The following GBP2 variants were observed in gnomAD, a reference collection of about 807,000 sequenced individuals.
GBP2 encodes the protein guanylate binding protein 2, also known as guanylate-binding protein 2.
GBP2 carries 54 observed loss-of-function variants against 60.8 expected under a neutral mutation model. The observed-to-expected ratio is 0.89, with a 90% CI of 0.71 to 1.11. The LOEUF is 1.11. Ranked by LOEUF, GBP2 falls within the 50% of genes most tolerant of loss-of-function variation. GBP2 has a pLI of 0.00. For synonymous variants in GBP2, 243 were observed against 256.5 expected (o/e 0.95, Z 0.50); for missense variants, 665 against 703.3 (o/e 0.95, Z 0.62).
chr1:89,109,863 A>G lies in GBP2; in HGVS notation c.1473T>C (p.Arg491=), dbSNP rs1161402155. Residue 491 remains arginine (R), a synonymous_variant, in exon 10 of 11, where the codon CGT becomes CGC. Coordinates refer to ENST00000370466, the MANE Select transcript of GBP2 (RefSeq NM_004120.5). ...SEKEKAIEVE[R]IKAESAEAAK... is the part of the protein sequence containing the mutation. ...CAGCTTCTGCAGATTCAGCCTTTAT[A>G]CGTTCCACTGTGGAAGAAAAATAAG... The G allele has an allele frequency of 6.2e-7, 1 of 1,612,286 alleles. No homozygotes were observed. Among genetic ancestry groups the G allele is most frequent in the Non-Finnish European group, 8.5e-7 (1 of 1,179,510 alleles).
rs750741832 is a variant in GBP2 at position 89,109,939 on chromosome 1, C to T, written c.1466-69G>A. On this transcript the variant is annotated intron_variant, in intron 9 of 10. Coordinates refer to ENST00000370466, the MANE Select transcript of GBP2 (RefSeq NM_004120.5). Reference sequence around the variant, plus strand: ...GTAGGTGTTCCCTTTTCCTTTCCCTCGTTTTTGTTTGTCTTATCCTTACAT... The same window carrying T: ...GTAGGTGTTCCCTTTTCCTTTCCCTTGTTTTTGTTTGTCTTATCCTTACAT... 2.0e-5 allele frequency: 28 copies of T among 1,421,398 alleles called. No individual in the cohort carries two copies. In the East Asian group the frequency reaches 3.8e-4, roughly 19 times the overall value. The allele number at this position is 1,421,398 out of a possible 1,614,324, so 88.0% of individuals were successfully genotyped here.
intron 4 of GBP2, chr1:89,118,147 A>G (rs1258053229): frequency 6.1e-6 from 1 of 163,262 alleles, no homozygotes; most frequent in Non-Finnish European, 1.3e-5. Context: ...ACCAATAGAC[A>G]TTCATCTAAT....
intron 3 of GBP2, 75 bp from the exon 4 acceptor site, chr1:89,120,363 A>AGTTGGAGTTCAGTCAGTCTT: frequency 2.6e-6 from 3 of 1,172,434 alleles, no homozygotes; most frequent in Non-Finnish European, 3.8e-6. Flanking sequence ...CTGAAGACTG[A>AGTTGGAGTTCAGTCAGTCTT]CTGAACTCCA....
rs1187798166 is a variant in GBP2 at position 89,119,029 on chromosome 1, C to A, written c.428+1150G>T. On this transcript the variant is annotated intron_variant, in intron 4 of 10. Transcript: ENST00000370466. ...GATGGTGATAAACATATTGGTGCTACTGAAAGCCTTGAAGCTGGATGTGAT... is the reference window on the plus strand; with the variant it reads ...GATGGTGATAAACATATTGGTGCTAATGAAAGCCTTGAAGCTGGATGTGAT... 4.6e-5 allele frequency: 7 copies of A among 152,146 alleles called. No individual in the cohort carries two copies. In the East Asian group the frequency reaches 1.2e-3, roughly 25 times the overall value. 9.4% of individuals were successfully genotyped at this position (152,146 alleles called of 1,614,324 possible).
intron 4 of GBP2, chr1:89,118,513 T>C (rs1274254098): frequency 6.6e-6 from 1 of 152,148 alleles, no homozygotes; most frequent in East Asian, 1.9e-4. Context: ...TGGGAAGTCA[T>C]TGGTGGGTAT....
intron 6 of GBP2, among the ~76,000 whole-genome samples, chr1:89,116,615 A>G (rs1570320168): frequency 6.6e-6 from 1 of 152,304 alleles, no homozygotes; most frequent in Non-Finnish European, 1.5e-5. Flanking sequence ...GAATTGCTGA[A>G]CAAGAGAATT....
At chr1:89,117,907 T>A in intron 4 of GBP2, 134 bp from the exon 5 acceptor site, 1 of 733,180 alleles carries the variant, frequency 1.4e-6, no homozygotes, top group Non-Finnish European at 2.2e-6. Context: ...TTTACAGAAT[T>A]CATTCACTCA....
Position 89,117,784 on chromosome 1 carries a change from A to T in GBP2, c.429-11T>A, listed in dbSNP as rs1430250419. 3 of 1,581,912 alleles carry T rather than the reference A, an allele frequency of 1.9e-6. No individual in the cohort carries two copies. Among genetic ancestry groups the T allele is most frequent in the African/African-American group, 1.4e-5 (1 of 72,942 alleles). On this transcript the variant is annotated splice_polypyrimidine_tract_variant and intron_variant, in intron 4 of 10. Coordinates refer to ENST00000370466, the MANE Select transcript of GBP2 (RefSeq NM_004120.5). ...AGCTCTGTCACATAGCTGAGATGCTAAATTAAGAAAACTACAGAAAATGCC... is the reference window on the plus strand; with the variant it reads ...AGCTCTGTCACATAGCTGAGATGCTTAATTAAGAAAACTACAGAAAATGCC...
Position 89,112,593 on chromosome 1 carries a change from C to T in GBP2, c.1241G>A (p.Gly414Asp), listed in dbSNP as rs754371385. Reference protein sequence around the residue: ...CCMALLQDIFGPLEEDVKQGT... With the variant: ...CCMALLQDIFDPLEEDVKQGT... Reference sequence around the variant, plus strand: ...CTGCTTGACATCTTCTTCTAAAGGGCCAAATATATCCTGAAGTAAAGCCAT... The same window carrying T: ...CTGCTTGACATCTTCTTCTAAAGGGTCAAATATATCCTGAAGTAAAGCCAT... The change falls in exon 8 of 11, where the codon GGC becomes GAC. Residue 414 changes from glycine (G) to aspartate (D), a missense_variant. By Grantham distance (94) the Gly-to-Asp change is moderately conservative. Coordinates refer to ENST00000370466, the MANE Select transcript of GBP2 (RefSeq NM_004120.5). The T allele has an allele frequency of 6.2e-7, 1 of 1,614,076 alleles. No individual in the cohort carries two copies. Among genetic ancestry groups the T allele is most frequent in the South Asian group, 1.1e-5 (1 of 91,078 alleles).
At chr1:89,110,022 A>G in intron 9 of GBP2, 142 bp downstream of exon 9, 1 of 914,130 alleles carries the variant, frequency 1.1e-6, no homozygotes, top group Non-Finnish European at 1.6e-6. Flanking sequence ...ATGATCATAC[A>G]GATTAGTTAA....
At chr1:89,118,121 T>G (rs923061288) in intron 4 of GBP2, 3 of 167,336 alleles carry the variant, frequency 1.8e-5, no homozygotes, top group African/African-American at 7.2e-5. Context: ...TCCTAATGTA[T>G]TTTTAGAAAC....
At chr1:89,120,372 C>A in intron 3 of GBP2, 84 bp from the exon 4 acceptor site, 1 of 1,094,472 alleles carries the variant, frequency 9.1e-7, no homozygotes, top group Non-Finnish European at 1.4e-6. Flanking sequence ...GACTGAACTC[C>A]AACTCTGTCT....
At chr1:89,113,895 A>T in intron 7 of GBP2, 121 bp downstream of exon 7, 2 of 1,204,036 alleles carry the variant, frequency 1.7e-6, no homozygotes, top group Non-Finnish European at 2.4e-6. Context: ...CTAGTCTTTT[A>T]ATGATTATTT....
intron 4 of GBP2, 92 bp from the exon 5 acceptor site, chr1:89,117,865 T>C (rs1681312248): frequency 3.2e-6 from 3 of 933,424 alleles, no homozygotes; most frequent in Admixed American, 5.8e-5. Flanking sequence ...GGTTTCTTTT[T>C]ATTAGCTCAT....
rs761023283 is a variant in GBP2 at position 89,112,683 on chromosome 1, G to C, written c.1151C>G (p.Ala384Gly). The C allele has an allele frequency of 1.2e-6, 2 of 1,613,210 alleles. No individual in the cohort carries two copies. Among genetic ancestry groups the C allele is most frequent in the African/African-American group, 1.3e-5 (1 of 74,898 alleles). ...VDQMFQRKLGAQLEARRDDFC... is the reference protein window; with the variant it reads ...VDQMFQRKLGGQLEARRDDFC... ...GTCATCTCGCCTTGCTTCCAACTGGGCCTGTGAAGTGACAAAACAGCACAG... is the reference window on the plus strand; with the variant it reads ...GTCATCTCGCCTTGCTTCCAACTGGCCCTGTGAAGTGACAAAACAGCACAG... Residue 384 changes from alanine to glycine, a missense_variant and splice_region_variant, in exon 8 of 11, where the codon GCC becomes GGC. Physicochemically the swap from Ala to Gly is moderately conservative, Grantham distance 60. Coordinates refer to ENST00000370466, the MANE Select transcript of GBP2 (RefSeq NM_004120.5).
At position 89,121,142 on chromosome 1, in the gene GBP2, C is replaced by A; in HGVS notation, c.318+1G>T. On this transcript the variant is annotated splice_donor_variant, in intron 3 of 10. Transcript: ENST00000370466. LOFTEE classifies it high-confidence loss of function. Reference sequence around the variant, plus strand: ...ATTTTTAAAATACTTATTTTTTTTACCTTCTCTATATCTCCCAGGCCCTCA... The same window carrying A: ...ATTTTTAAAATACTTATTTTTTTTAACTTCTCTATATCTCCCAGGCCCTCA... The A allele has an allele frequency of 6.2e-7, 1 of 1,607,422 alleles. No homozygotes were observed. The highest frequency in any genetic ancestry group is 8.5e-7 in the Non-Finnish European group (1 of 1,176,918).
chr1:89,111,085 A>AT (rs1318196982), intron 8 of GBP2, among the ~76,000 whole-genome samples: 1 of 152,224 alleles, frequency 6.6e-6, no homozygotes, highest in Non-Finnish European at 1.5e-5. Context: ...CTGAAAAAAC[A>AT]TTTGATAAAA....
Position 89,106,671 on chromosome 1 carries a change from TC to T in GBP2, c.*1503del, listed in dbSNP as rs1681059074. ...GGTTGACTAAACATACAGGAAAATTTCCCACGTTATTAGTTTCTTCCTCCAA... is the reference window on the plus strand; with the variant it reads ...GGTTGACTAAACATACAGGAAAATTTCCACGTTATTAGTTTCTTCCTCCAA... On this transcript the variant is annotated 3_prime_UTR_variant, in exon 11 of 11. Coordinates refer to ENST00000370466, the MANE Select transcript of GBP2 (RefSeq NM_004120.5). The T allele has an allele frequency of 6.6e-6, 1 of 152,190 alleles. No individual in the cohort carries two copies. The highest frequency in any genetic ancestry group is 1.5e-5 in the Non-Finnish European group (1 of 68,022). The allele number at this position is 152,190 out of a possible 1,614,324, so 9.4% of individuals were successfully genotyped here. A position where few individuals can be genotyped will look rare whatever the true frequency, so the allele number is the denominator to read the frequency against.
intron 1 of GBP2, among the ~76,000 whole-genome samples, chr1:89,124,784 A>G (rs1471493132): frequency 6.6e-6 from 1 of 152,250 alleles, no homozygotes; most frequent in African/African-American, 2.4e-5. Context: ...CAAATCTGAC[A>G]TGTAGAAAAT....
Sources: gnomAD v4.1 joint callset for allele counts (sites outside exome capture counted in the v4.1 genomes callset) on GRCh38, gnomAD v4.1.1 for gene constraint, MANE v1.5 for transcripts, NCBI Gene and HGNC (gene_info 2026-07-23, HGNC 2026-07-21) for gene names.